LYZL6: variants seen among roughly 807,000 people sequenced by gnomAD.
The protein encoded by LYZL6 is lysozyme-like protein 6.
Under a neutral mutation model 15.0 loss-of-function variants are expected in LYZL6, and 21 were observed. The ratio of observed to expected loss-of-function variants is 1.40; its 90% confidence interval spans 1.00 to 2.02. LYZL6 has a LOEUF of 2.02. LYZL6 is among the 30% of genes most tolerant of loss of function. The probability of loss-of-function intolerance (pLI) is 0.00; values close to 1 mark genes in which losing one functional copy is unlikely to be tolerated. For missense variants in LYZL6, 173 were observed against 180.5 expected (o/e 0.96, Z 0.24); for synonymous variants, 72 against 67.8 (o/e 1.06, Z -0.31).
intron 1 of LYZL6, 141 bp from the exon 2 acceptor site, chr17:35,939,699 T>C (rs904907719): frequency 3.1e-5 from 5 of 163,384 alleles, no homozygotes; most frequent in Middle Eastern, 3.1e-3. Context: ...GGTCTCACTC[T>C]GTTGACCAGG....
rs751629806 is a variant in LYZL6 at position 35,939,392 on chromosome 17, G to A, written c.-36C>T. On this transcript the variant is annotated 5_prime_UTR_variant, in exon 2 of 5. Transcript: ENST00000615905. ...GAGGAGGTGCAGCTGAGGGCTGATG[G>A]TTCTTAGGGTCTTGCAGACTTTCTG... 6.2e-7 allele frequency: 1 copy of A among 1,600,414 alleles called. No homozygotes were observed. The highest frequency in any genetic ancestry group is 8.5e-7 in the Non-Finnish European group (1 of 1,170,084).
In LYZL6 at chr17:35,934,569, G is replaced by T. The variant is rs1332774482; in HGVS notation, c.*227C>A. 1 of 539,664 alleles carries T rather than the reference G, an allele frequency of 1.9e-6. No homozygotes were observed. Among genetic ancestry groups the T allele is most frequent in the South Asian group, 2.7e-5 (1 of 36,728 alleles). The allele number at this position is 539,664 out of a possible 1,614,324, so 33.4% of individuals were successfully genotyped here. A position where few individuals can be genotyped will look rare whatever the true frequency, so the allele number is the denominator to read the frequency against. ...CGATAAATATAAAGATTTCTTTATTGTGGTCCTCAGTTTACAAATAACAGA... is the reference window on the plus strand; with the variant it reads ...CGATAAATATAAAGATTTCTTTATTTTGGTCCTCAGTTTACAAATAACAGA... On this transcript the variant is annotated 3_prime_UTR_variant, in exon 5 of 5. Transcript: ENST00000615905.
chr17:35,939,235 C>T lies in LYZL6; in HGVS notation c.122G>A (p.Gly41Asp), dbSNP rs761399598. 3 of 1,613,966 alleles carry T rather than the reference C, an allele frequency of 1.9e-6. No individual in the cohort carries two copies. In the Admixed American group the frequency reaches 5.0e-5, roughly 27 times the overall value. ...LQLEDLDGFE[G>D]YSLSDWLCLA... ...GTACTCACAGTCACTCAGGGAGTAA[C>T]CCTCAAACCCATCCAAGTCCTCCAG... The change falls in exon 2 of 5, where the codon GGT becomes GAT. Residue 41 changes from glycine (G) to aspartate (D), a missense_variant. By Grantham distance (94) the Gly-to-Asp change is moderately conservative. Transcript: ENST00000615905.
chr17:35,941,822 C>T (rs2089426797), intron 1 of LYZL6, among the ~76,000 whole-genome samples: 1 of 152,112 alleles, frequency 6.6e-6, no homozygotes, highest in Non-Finnish European at 1.5e-5. Context: ...TCATTGCATG[C>T]TAAATCTGAG....
intron 3 of LYZL6, 54 bp from the exon 4 acceptor site, chr17:35,936,887 G>T: frequency 6.7e-7 from 1 of 1,502,444 alleles, no homozygotes. Flanking sequence ...CCCCAAAGAT[G>T]GAGGCAGACA....
At position 35,936,751 on chromosome 17, in the gene LYZL6, T is replaced by A; in HGVS notation, c.377+4A>T. The stretch of plus-strand genomic sequence containing the variant: ...CCCGCTGAGTCCCACCGTGTCCTCC[T>A]CACCAGTTGTTCATCCCCCGTGCTC... On this transcript the variant is annotated splice_donor_region_variant and intron_variant, in intron 4 of 4. Coordinates refer to ENST00000615905, the MANE Select transcript of LYZL6 (RefSeq NM_020426.4). 1.2e-6 allele frequency: 2 copies of A among 1,613,154 alleles called. No homozygotes were observed. Among genetic ancestry groups the A allele is most frequent in the African/African-American group, 1.3e-5 (1 of 75,036 alleles).
At chr17:35,937,114 G>C (rs547679525) in intron 3 of LYZL6, among the ~76,000 whole-genome samples, 118 of 152,338 alleles carry the variant, frequency 7.7e-4, no homozygotes, top group Middle Eastern at 3.4e-3. Context: ...GTTTGTGGGA[G>C]GTTTCCAGGG....
rs1598708550 is a variant in LYZL6 at position 35,939,498 on chromosome 17, T to C, written c.-142A>G. On this transcript the variant is annotated 5_prime_UTR_variant, in exon 2 of 5. Transcript: ENST00000615905. ...CACTCACTGCTCCAACCTGGCTGTT[T>C]CCAATCTCTTTTCTCTTGTTTATTA... 7 of 632,202 alleles carry C rather than the reference T, an allele frequency of 1.1e-5. No homozygotes were observed. In the East Asian group the frequency reaches 1.3e-4, roughly 12 times the overall value. 39.2% of individuals were successfully genotyped at this position (632,202 alleles called of 1,614,324 possible).
Position 35,934,595 on chromosome 17 carries a change from C to G in LYZL6, c.*201G>C. On this transcript the variant is annotated 3_prime_UTR_variant, in exon 5 of 5. Coordinates refer to ENST00000615905, the MANE Select transcript of LYZL6 (RefSeq NM_020426.4). ...TGGTCCTCAGTTTACAAATAACAGA[C>G]AGGAACCAGGGGACTGGGTCCAGAT... 1 of 557,152 alleles carries G rather than the reference C, an allele frequency of 1.8e-6. No individual in the cohort carries two copies. Among genetic ancestry groups the G allele is most frequent in the Non-Finnish European group, 3.2e-6 (1 of 314,700 alleles). The allele number at this position is 557,152 out of a possible 1,614,324, so 34.5% of individuals were successfully genotyped here.
chr17:35,940,861 G>A (rs1446844658), intron 1 of LYZL6, among the ~76,000 whole-genome samples: 1 of 152,156 alleles, frequency 6.6e-6, no homozygotes, highest in Non-Finnish European at 1.5e-5. Context: ...TCCTTTCTAT[G>A]GTTGAATAAT....
intron 4 of LYZL6, among the ~76,000 whole-genome samples, chr17:35,936,321 C>G (rs1245090297): frequency 6.6e-6 from 1 of 152,184 alleles, no homozygotes; most frequent in African/African-American, 2.4e-5. Context: ...AGGACTTTAG[C>G]TTATTAACTT....
At chr17:35,935,882 C>T (rs1032791664) in intron 4 of LYZL6, among the ~76,000 whole-genome samples, 11 of 151,154 alleles carry the variant, frequency 7.3e-5, no homozygotes, top group African/African-American at 2.2e-4. Context: ...GGCGCGATCT[C>T]GGCTCACTGC....
Position 35,940,535 on chromosome 17 carries a change from A to G in LYZL6, c.-202-977T>C, listed in dbSNP as rs2089417650. ...TTGAGATATAATTCATGTATCATAC[A>G]ATTAATTCAGTTAAAGTGTACAATT... On this transcript the variant is annotated intron_variant, in intron 1 of 4. Transcript: ENST00000615905. Among the ~76,000 whole-genome samples, 3 of 152,244 alleles carry G rather than the reference A, an allele frequency of 2.0e-5. No homozygotes were observed. The South Asian group carries it at 6.2e-4, about 31-fold the overall frequency.
At chr17:35,939,113 C>T in intron 2 of LYZL6, 105 bp downstream of exon 2, 1 of 1,393,636 alleles carries the variant, frequency 7.2e-7, no homozygotes, top group Non-Finnish European at 9.8e-7. Flanking sequence ...AAGGGGGCTG[C>T]TTTTTGAACT....
At chr17:35,936,263 C>T (rs139613397) in intron 4 of LYZL6, among the ~76,000 whole-genome samples, 1 of 152,346 alleles carries the variant, frequency 6.6e-6, no homozygotes, top group East Asian at 1.9e-4. Flanking sequence ...ATTCTCTATC[C>T]CAGGAACTTG....
intron 2 of LYZL6, 44 bp from the exon 3 acceptor site, chr17:35,937,960 C>A: frequency 1.3e-6 from 2 of 1,588,886 alleles, no homozygotes; most frequent in Non-Finnish European, 1.7e-6. Context: ...GGGGACCAAG[C>A]TGAGTGAGAA....
At chr17:35,940,632 C>A (rs2141968824) in intron 1 of LYZL6, among the ~76,000 whole-genome samples, 1 of 152,262 alleles carries the variant, frequency 6.6e-6, no homozygotes, top group East Asian at 1.9e-4. Context: ...TTTCATCAAT[C>A]CAAAACAAAA....
At chr17:35,939,842 T>C (rs943757456) in intron 1 of LYZL6, among the ~76,000 whole-genome samples, 2 of 152,068 alleles carry the variant, frequency 1.3e-5, no homozygotes, top group African/African-American at 4.8e-5. Flanking sequence ...CACCCAGCTA[T>C]GGGTAGTATT....
intron 4 of LYZL6, among the ~76,000 whole-genome samples, chr17:35,935,250 G>A (rs17676662): frequency 0.91 from 138,638 of 152,178 alleles, 63,358 homozygotes; most frequent in East Asian, 1. Context: ...TGAGTATGCA[G>A]GGGATTTGAC....
Sources: gnomAD v4.1 joint callset for allele counts (sites outside exome capture counted in the v4.1 genomes callset) on GRCh38, gnomAD v4.1.1 for gene constraint, MANE v1.5 for transcripts, NCBI Gene and HGNC (gene_info 2026-07-23, HGNC 2026-07-21) for gene names.